The following COL4A5 variants were observed in gnomAD, a reference collection of about 807,000 sequenced individuals.
The protein encoded by COL4A5 is collagen alpha-5(IV) chain.
Under a neutral mutation model 130.2 loss-of-function variants are expected in COL4A5, and 26 were observed. The observed-to-expected ratio is 0.20, with a 90% CI of 0.15 to 0.28. COL4A5 has a LOEUF of 0.28. COL4A5 is among the 10% of genes least tolerant of loss of function. The pLI is 1.00. For missense variants in COL4A5, 1,131 were observed against 1,344.3 expected (o/e 0.84, Z 2.48); for synonymous variants, 496 against 439.6 (o/e 1.13, Z -1.60).
intron 1 of COL4A5, among the ~76,000 whole-genome samples, chrX:108,463,904 C>A (rs1319444886): frequency 9.0e-6 from 1 of 111,720 alleles, no homozygotes; most frequent in East Asian, 2.8e-4. Flanking sequence ...ATAGATAGGG[C>A]AGATTCCCCT....
At chrX:108,479,497 C>T (rs756355768) in intron 1 of COL4A5, among the ~76,000 whole-genome samples, 98 of 112,109 alleles carry the variant, frequency 8.7e-4, no homozygotes, top group African/African-American at 2.3e-3. Context: ...TGTCCACTTT[C>T]GGGTGGTGCC....
At chrX:108,480,402 T>C (rs750372508) in intron 1 of COL4A5, among the ~76,000 whole-genome samples, 5 of 112,879 alleles carry the variant, frequency 4.4e-5, no homozygotes, top group Non-Finnish European at 9.4e-5. Flanking sequence ...ATAAGTCCAA[T>C]GTGTTTGCTG....
At chrX:108,551,546 AAAG>A (rs2065752835) in intron 2 of COL4A5, among the ~76,000 whole-genome samples, 1 of 112,306 alleles carries the variant, frequency 8.9e-6, no homozygotes, top group African/African-American at 3.2e-5. Context: ...GTTGCAGAGA[AAAG>A]AGAATTCTTA....
At chrX:108,549,750 C>CA (rs906010166) in intron 2 of COL4A5, among the ~76,000 whole-genome samples, 13 of 109,043 alleles carry the variant, frequency 1.2e-4, no homozygotes, top group African/African-American at 4.0e-4. Flanking sequence ...ATATTAACTA[C>CA]AAAAAAAATA....
intron 1 of COL4A5, among the ~76,000 whole-genome samples, chrX:108,463,369 T>G (rs2064672768): frequency 8.9e-6 from 1 of 111,755 alleles, no homozygotes; most frequent in South Asian, 3.8e-4. Context: ...TTGAAAATAT[T>G]GAGTCATATT....
chrX:108,614,927 T>C lies in COL4A5; in HGVS notation c.2412T>C (p.Asn804=), dbSNP rs1409655272. The C allele has an allele frequency of 1.7e-6, 2 of 1,208,161 alleles. No homozygotes were observed. The highest frequency in any genetic ancestry group is 3.5e-5 in the South Asian group (2 of 56,883). The change falls in exon 30 of 53, where the codon AAT becomes AAC. Residue 804 remains asparagine, a synonymous_variant. Transcript: ENST00000328300. ...TTCTTAAAGGTGATGTTGGACCAAA[T>C]GGACAACCTGGACCAATGGGACCTC... The part of the protein sequence containing the change: ...LPGPKGDVGP[N]GQPGPMGPPG...
chrX:108,443,985 C>T (rs1412862927), intron 1 of COL4A5, among the ~76,000 whole-genome samples: 13 of 111,616 alleles, frequency 1.2e-4, no homozygotes, highest in Admixed American at 1.1e-3. Context: ...TTTCTCTTTA[C>T]GCTTAATGTA....
At chrX:108,479,043 C>T (rs1333508307) in intron 1 of COL4A5, among the ~76,000 whole-genome samples, 1 of 112,207 alleles carries the variant, frequency 8.9e-6, no homozygotes, top group African/African-American at 3.2e-5. Flanking sequence ...CCATGCATAA[C>T]CTCCACCCCT....
At chrX:108,529,363 G>C (rs1001235712) in intron 1 of COL4A5, among the ~76,000 whole-genome samples, 1 of 111,136 alleles carries the variant, frequency 9.0e-6, no homozygotes, top group African/African-American at 3.3e-5. Context: ...GATCATGAAA[G>C]AACATGAAAG....
intron 1 of COL4A5, among the ~76,000 whole-genome samples, chrX:108,530,584 A>C (rs1482196239): frequency 3.2e-4 from 32 of 101,208 alleles, no homozygotes; most frequent in African/African-American, 1.1e-3. Flanking sequence ...ACATTTATGC[A>C]GCCAAAAAAC....
chrX:108,694,273 G>A (rs767120384), intron 50 of COL4A5: 5 of 117,597 alleles, frequency 4.3e-5, no homozygotes, highest in African/African-American at 1.6e-4. Flanking sequence ...ACATCTCCAA[G>A]TGCCTGGGTA....
At position 108,440,224 on chromosome X, in the gene COL4A5, T is replaced by C. The variant is rs758013285; in HGVS notation, c.81+18T>C. On this transcript the variant is annotated intron_variant, in intron 1 of 52. Transcript: ENST00000328300. ...AGGCTGCGGTAAGTCCTTCCTCCCC[T>C]CCCCCGCGCCCATCACCGCTCTTTC... The C allele has an allele frequency of 1.8e-6, 2 of 1,104,939 alleles. No individual in the cohort carries two copies. Among genetic ancestry groups the C allele is most frequent in the African/African-American group, 1.9e-5 (1 of 53,495 alleles). 91.1% of individuals were successfully genotyped at this position (1,104,939 alleles called of 1,213,427 possible). A position where few individuals can be genotyped will look rare whatever the true frequency, so the allele number is the denominator to read the frequency against.
At chrX:108,677,801 A>G (rs756212457) in intron 44 of COL4A5, among the ~76,000 whole-genome samples, 168 bp downstream of exon 44, 88 of 112,480 alleles carry the variant, frequency 7.8e-4, no homozygotes, top group African/African-American at 2.7e-3. Context: ...ATAGTCTCCT[A>G]AAGGGACTTT....
intron 1 of COL4A5, among the ~76,000 whole-genome samples, chrX:108,538,153 A>G (rs1032027704): frequency 1.8e-5 from 2 of 111,464 alleles, no homozygotes; most frequent in Non-Finnish European, 3.8e-5. Context: ...TTAGTTACAC[A>G]TGTTGGAGGG....
chrX:108,495,626 G>A (rs750528252), intron 1 of COL4A5, among the ~76,000 whole-genome samples: 1 of 111,926 alleles, frequency 8.9e-6, no homozygotes, highest in African/African-American at 3.2e-5. Context: ...GAAGAGATGT[G>A]TGAATAGACC....
At chrX:108,694,546 T>C in intron 50 of COL4A5, 1 of 381,491 alleles carries the variant, frequency 2.6e-6, no homozygotes, top group Non-Finnish European at 4.6e-6. Context: ...CAAGTATGAA[T>C]AGACATTTAG....
intron 21 of COL4A5, among the ~76,000 whole-genome samples, chrX:108,593,432 AAATT>A (rs762603350): frequency 3.6e-5 from 4 of 111,650 alleles, no homozygotes; most frequent in Non-Finnish European, 5.6e-5. Flanking sequence ...AAATGAAATC[AAATT>A]AATTAATTTC....
intron 37 of COL4A5, among the ~76,000 whole-genome samples, chrX:108,660,222 A>G (rs1402925186): frequency 8.9e-6 from 1 of 112,020 alleles, no homozygotes; most frequent in Non-Finnish European, 1.9e-5. Context: ...TATATAGGTA[A>G]TAAATTTTAC....
chrX:108,606,750 A>G lies in COL4A5; in HGVS notation c.2253A>G (p.Pro751=). 1 of 1,211,834 alleles carries G rather than the reference A, an allele frequency of 8.3e-7. No individual in the cohort carries two copies. Among genetic ancestry groups the G allele is most frequent in the Non-Finnish European group, 1.1e-6 (1 of 895,406 alleles). The change falls in exon 29 of 53, where the codon CCA becomes CCG. Residue 751 remains proline (P), a synonymous_variant. Coordinates refer to ENST00000328300, the MANE Select transcript of COL4A5 (RefSeq NM_033380.3). ...PPGFPGPKGE[P]GFALPGPPGP... The stretch of plus-strand genomic sequence containing the variant: ...TCATGTGTATGCTCAAGGGTGAACC[A>G]GGATTTGCATTACCTGGGCCACCTG...
Sources: allele counts gnomAD v4.1 joint callset (sites outside exome capture counted in the v4.1 genomes callset), GRCh38; gene constraint gnomAD v4.1.1; transcripts MANE v1.5; gene names NCBI Gene and HGNC (gene_info 2026-07-23, HGNC 2026-07-21).